Variants in ZBTB16 observed in about 807,000 individuals in gnomAD.
ZBTB16 encodes the protein zinc finger and BTB domain-containing protein 16.
Under a neutral mutation model 56.8 loss-of-function variants are expected in ZBTB16, and 8 were observed. The observed-to-expected ratio is 0.14, with a 90% CI of 0.08 to 0.25. ZBTB16 has a LOEUF of 0.25. Among genes scored for constraint, ZBTB16 ranks in the 10% least tolerant of loss-of-function variants. The probability of loss-of-function intolerance (pLI) is 1.00; values close to 1 mark genes in which losing one functional copy is unlikely to be tolerated. For synonymous variants in ZBTB16, 363 were observed against 368.5 expected (o/e 0.98, Z 0.17); for missense variants, 625 against 903.0 (o/e 0.69, Z 3.95).
chr11:114,181,474 G>A (rs1943248363), intron 3 of ZBTB16, among the ~76,000 whole-genome samples: 1 of 152,200 alleles, frequency 6.6e-6, no homozygotes, highest in Non-Finnish European at 1.5e-5. Context: ...TGCCTCCTGA[G>A]GTATAAATGG....
intron 3 of ZBTB16, among the ~76,000 whole-genome samples, chr11:114,170,421 T>G (rs1295873446): frequency 6.6e-6 from 1 of 152,160 alleles, no homozygotes. Context: ...AAGACTGAGC[T>G]TGTTCACCGC....
intron 2 of ZBTB16, among the ~76,000 whole-genome samples, chr11:114,153,697 CACCGTAAGAAGTGGG>C (rs1437065939): frequency 6.6e-6 from 1 of 152,212 alleles, no homozygotes; most frequent in Non-Finnish European, 1.5e-5. Context: ...CATCACAATG[CACCGTAAGAAGTGGG>C]ACGTGGCTCA....
chr11:114,211,995 T>C (rs1460025247), intron 4 of ZBTB16, among the ~76,000 whole-genome samples: 1 of 152,186 alleles, frequency 6.6e-6, no homozygotes, highest in Non-Finnish European at 1.5e-5. Flanking sequence ...TGTGATTGAT[T>C]ATCTGGTATT....
intron 2 of ZBTB16, among the ~76,000 whole-genome samples, chr11:114,145,923 G>A (rs764526579): frequency 2.6e-5 from 4 of 152,276 alleles, no homozygotes; most frequent in Non-Finnish European, 2.9e-5. Flanking sequence ...GTCTAGTAGA[G>A]ATAAAGAATA....
chr11:114,226,304 G>C (rs1480920808), intron 4 of ZBTB16, among the ~76,000 whole-genome samples: 1 of 152,208 alleles, frequency 6.6e-6, no homozygotes, highest in Admixed American at 6.5e-5. Context: ...AGGAAGAGCA[G>C]AAAGATTTGG....
At chr11:114,156,561 T>G in intron 3 of ZBTB16, 127 bp downstream of exon 3, 1 of 867,556 alleles carries the variant, frequency 1.2e-6, no homozygotes, top group Non-Finnish European at 1.9e-6. Flanking sequence ...GTCCATCTTG[T>G]TCCCTGGACC....
chr11:114,229,563 C>T (rs1387661639), intron 4 of ZBTB16, among the ~76,000 whole-genome samples: 1 of 152,246 alleles, frequency 6.6e-6, no homozygotes, highest in African/African-American at 2.4e-5. Context: ...CCCACTCTCA[C>T]TTTCTGTGAT....
At chr11:114,236,342 G>A (rs1944589475) in intron 4 of ZBTB16, among the ~76,000 whole-genome samples, 1 of 152,202 alleles carries the variant, frequency 6.6e-6, no homozygotes, top group Admixed American at 6.5e-5. Flanking sequence ...GACAACCACT[G>A]CCTGGACTAG....
intron 2 of ZBTB16, among the ~76,000 whole-genome samples, chr11:114,124,305 C>G (rs976664142): frequency 1.5e-4 from 23 of 152,040 alleles, no homozygotes; most frequent in African/African-American, 5.6e-4. Flanking sequence ...CTCTGGGTGG[C>G]CATGTGTTCA....
At chr11:114,149,660 G>A (rs551246259) in intron 2 of ZBTB16, among the ~76,000 whole-genome samples, 54 of 152,246 alleles carry the variant, frequency 3.5e-4, no homozygotes, top group African/African-American at 1.1e-3. Context: ...AGGGAGCAAC[G>A]AACTCTATTG....
intron 3 of ZBTB16, among the ~76,000 whole-genome samples, chr11:114,182,378 T>C (rs1052574330): frequency 4.6e-5 from 7 of 152,176 alleles, no homozygotes; most frequent in African/African-American, 1.7e-4. Context: ...TCTCTTTTTA[T>C]CACTTATCAC....
rs980696823 is a variant in ZBTB16, at chr11:114,251,711, C to T, written c.*1156C>T. Among the ~76,000 whole-genome samples, 1 of 152,170 alleles carries T rather than the reference C, an allele frequency of 6.6e-6. No homozygotes were observed. Among genetic ancestry groups the T allele is most frequent in the Non-Finnish European group, 1.5e-5 (1 of 68,020 alleles). On this transcript the variant is annotated 3_prime_UTR_variant, in exon 7 of 7. Coordinates refer to ENST00000335953, the MANE Select transcript of ZBTB16 (RefSeq NM_006006.6). ...GGTCCAGAGAGAGTCGCACAGAATT[C>T]CTGACTCACAGCGCCCCTCGGTCCA...
chr11:114,133,409 G>T (rs1484162166), intron 2 of ZBTB16, among the ~76,000 whole-genome samples: 1 of 152,060 alleles, frequency 6.6e-6, no homozygotes, highest in Non-Finnish European at 1.5e-5. Context: ...CCCCTTTCCT[G>T]CATGCCCACT....
chr11:114,205,393 G>T (rs2135115462), intron 4 of ZBTB16, among the ~76,000 whole-genome samples: 1 of 150,350 alleles, frequency 6.7e-6, no homozygotes, highest in Middle Eastern at 3.4e-3. Context: ...CTGGGTGACA[G>T]AGTGAGACTC....
rs1216094477 is a variant in ZBTB16, at chr11:114,151,596, C to T, written c.1269-4741C>T. Among the ~76,000 whole-genome samples, 5 of 152,352 alleles carry T rather than the reference C, an allele frequency of 3.3e-5. No homozygotes were observed. In the East Asian group the frequency reaches 9.6e-4, roughly 29 times the overall value. ...ACTGAGGTTTCTTTCTCTAAACCTT[C>T]CCTGCCTGTTGGTCTGCTCCAACTT... On this transcript the variant is annotated intron_variant, in intron 2 of 6. Coordinates refer to ENST00000335953, the MANE Select transcript of ZBTB16 (RefSeq NM_006006.6).
chr11:114,187,364 A>G, intron 4 of ZBTB16: 1 of 362,492 alleles, frequency 2.8e-6, no homozygotes, highest in South Asian at 3.7e-5. Flanking sequence ...TTGTTATCAA[A>G]ACATCTTCTT....
At chr11:114,168,701 G>A (rs759866242) in intron 3 of ZBTB16, among the ~76,000 whole-genome samples, 4 of 152,100 alleles carry the variant, frequency 2.6e-5, no homozygotes, top group Admixed American at 6.5e-5. Context: ...CCCTGGCCTC[G>A]TGCTGTTTGA....
intron 3 of ZBTB16, among the ~76,000 whole-genome samples, chr11:114,157,416 A>G (rs1404613334): frequency 6.6e-6 from 1 of 152,220 alleles, no homozygotes. Context: ...GGATTAAGTG[A>G]CAGAATATAC....
At chr11:114,128,104 A>G (rs1565640339) in intron 2 of ZBTB16, among the ~76,000 whole-genome samples, 1 of 152,170 alleles carries the variant, frequency 6.6e-6, no homozygotes, top group Non-Finnish European at 1.5e-5. Flanking sequence ...TAGACTTTGG[A>G]AAATCTCTGT....
Sources: allele counts gnomAD v4.1 joint callset (sites outside exome capture counted in the v4.1 genomes callset), GRCh38; gene constraint gnomAD v4.1.1; transcripts MANE v1.5; gene names NCBI Gene and HGNC (gene_info 2026-07-23, HGNC 2026-07-21).